The following MDM1 variants were observed in gnomAD, a reference collection of about 807,000 sequenced individuals.
MDM1 encodes the protein stabilizer of axonemal microtubules 6.
In MDM1, 61 loss-of-function variants were observed where a neutral mutation model predicts 89.1. The observed-to-expected ratio is 0.68, with a 90% CI of 0.56 to 0.85. The LOEUF (loss-of-function observed/expected upper bound fraction) is 0.85, where lower values mean the gene tolerates loss of function less well. Among genes scored for constraint, MDM1 ranks in the 40% least tolerant of loss-of-function variants. The pLI is 0.00. For missense variants in MDM1, 820 were observed against 846.5 expected (o/e 0.97, Z 0.39); for synonymous variants, 290 against 294.1 (o/e 0.99, Z 0.14).
At chr12:68,299,799 A>G (rs1039039720) in intron 13 of MDM1, among the ~76,000 whole-genome samples, 5 of 152,236 alleles carry the variant, frequency 3.3e-5, no homozygotes, top group African/African-American at 2.4e-5. Context: ...TGGCCTTGCT[A>G]GAGATTTAAA....
rs1168458389 is a variant in MDM1 at position 68,325,563 on chromosome 12, G to A, written c.511C>T (p.Leu171=). 5 of 1,569,602 alleles carry A rather than the reference G, an allele frequency of 3.2e-6. No individual in the cohort carries two copies. In the Admixed American group the frequency reaches 9.3e-5, roughly 29 times the overall value. ...ENVDNGLDRL[L]RKKAGLTVVP... ...ACAGTCAATCCAGCTTTCTTACGCAGAAGTCTATCCAACTGTTCAAAAAAC... is the reference window on the plus strand; with the variant it reads ...ACAGTCAATCCAGCTTTCTTACGCAAAAGTCTATCCAACTGTTCAAAAAAC... The change falls in exon 4 of 15, where the codon CTG becomes TTG. Residue 171 remains leucine, a synonymous_variant. Coordinates refer to ENST00000682720, the MANE Select transcript of MDM1 (RefSeq NM_001354969.2).
At position 68,294,751 on chromosome 12, in the gene MDM1, T is replaced by C. The variant is rs1229226656; in HGVS notation, c.*503A>G. The stretch of plus-strand genomic sequence containing the variant: ...TTGTTACATAAATAAGAAAAATATA[T>C]ACAGCTGGTGTTTTCAAAGTACAAT... On this transcript the variant is annotated 3_prime_UTR_variant, in exon 15 of 15. Transcript: ENST00000682720. 1 of 152,174 alleles carries C rather than the reference T, an allele frequency of 6.6e-6. No individual in the cohort carries two copies. Among genetic ancestry groups the C allele is most frequent in the African/African-American group, 2.4e-5 (1 of 41,442 alleles). The allele number at this position is 152,174 out of a possible 1,614,324, so 9.4% of individuals were successfully genotyped here. A position where few individuals can be genotyped will look rare whatever the true frequency, so the allele number is the denominator to read the frequency against.
chr12:68,307,269 T>C (rs1021028669), intron 12 of MDM1, among the ~76,000 whole-genome samples: 3 of 152,254 alleles, frequency 2.0e-5, no homozygotes, highest in South Asian at 2.1e-4. Flanking sequence ...ATGGGTTCAA[T>C]AGAAGCCCAA....
At chr12:68,328,742 C>T (rs1284994625) in intron 2 of MDM1, among the ~76,000 whole-genome samples, 2 of 152,070 alleles carry the variant, frequency 1.3e-5, no homozygotes, top group Admixed American at 6.6e-5. Flanking sequence ...AGTGGTCTGC[C>T]GCTGTCTCCC....
At chr12:68,307,597 C>A (rs1184977833) in intron 12 of MDM1, among the ~76,000 whole-genome samples, 1 of 152,174 alleles carries the variant, frequency 6.6e-6, no homozygotes, top group African/African-American at 2.4e-5. Flanking sequence ...GCCGTGATTG[C>A]ACCAATGCAC....
intron 12 of MDM1, among the ~76,000 whole-genome samples, chr12:68,303,496 T>C (rs1414699552): frequency 6.6e-6 from 1 of 152,102 alleles, no homozygotes; most frequent in African/African-American, 2.4e-5. Flanking sequence ...ACAATAATAC[T>C]TGGGGAGTAC....
intron 1 of MDM1, among the ~76,000 whole-genome samples, chr12:68,331,460 CAG>C (rs1425825355): frequency 6.6e-6 from 1 of 152,208 alleles, no homozygotes; most frequent in Admixed American, 6.5e-5. Context: ...ATTCCAGGCT[CAG>C]AGGTTACCCT....
At chr12:68,299,492 C>T (rs1420821529) in intron 13 of MDM1, among the ~76,000 whole-genome samples, 2 of 151,898 alleles carry the variant, frequency 1.3e-5, no homozygotes, top group African/African-American at 2.4e-5. Flanking sequence ...TAGAGAAATA[C>T]AAAACGTAGT....
rs372002035 is a variant in MDM1 at position 68,315,034 on chromosome 12, G to T, written c.1443C>A (p.Asp481Glu). ...EEEDDNEEEG[D>E]RKTGKQAFMG... ...TAAAAGCCTGCTTGCCCGTTTTCCT[G>T]TCCCCTTCCTCTTCATTGTCGTCCT... Residue 481 changes from aspartate to glutamate, a missense_variant, in exon 10 of 15, where the codon GAC becomes GAA. Asp to Glu is a conservative substitution (Grantham distance 45). Coordinates refer to ENST00000682720, the MANE Select transcript of MDM1 (RefSeq NM_001354969.2). 8 of 1,613,864 alleles carry T rather than the reference G, an allele frequency of 5.0e-6. No individual in the cohort carries two copies. In the Admixed American group the frequency reaches 5.0e-5, roughly 10 times the overall value.
chr12:68,311,244 C>A (rs1873641555), intron 12 of MDM1, among the ~76,000 whole-genome samples: 1 of 152,152 alleles, frequency 6.6e-6, no homozygotes, highest in Non-Finnish European at 1.5e-5. Context: ...GGGCACACAA[C>A]CCTTCCTGAC....
At chr12:68,298,250 A>G (rs1871673800) in intron 13 of MDM1, among the ~76,000 whole-genome samples, 2 of 152,204 alleles carry the variant, frequency 1.3e-5, no homozygotes, top group African/African-American at 4.8e-5. Context: ...GAATCTGTCT[A>G]CGTGACAAGT....
chr12:68,331,631 A>T (rs371959489), intron 1 of MDM1, among the ~76,000 whole-genome samples: 28 of 152,216 alleles, frequency 1.8e-4, no homozygotes, highest in African/African-American at 6.8e-4. Flanking sequence ...AACAAAAGGC[A>T]AACTCCCCTT....
chr12:68,327,060 C>A, intron 2 of MDM1, 39 bp from the exon 3 acceptor site: 1 of 1,523,974 alleles, frequency 6.6e-7, no homozygotes, highest in Admixed American at 2.2e-5. Flanking sequence ...GCTACTAAAG[C>A]AAAAAGTTAC....
At chr12:68,327,850 T>C (rs1317232617) in intron 2 of MDM1, among the ~76,000 whole-genome samples, 1 of 152,210 alleles carries the variant, frequency 6.6e-6, no homozygotes, top group African/African-American at 2.4e-5. Context: ...ACAGGTCTTC[T>C]CACTGGGTGG....
chr12:68,332,333 A>T lies in MDM1; in HGVS notation c.-88T>A, dbSNP rs989504552. 1 of 1,441,522 alleles carries T rather than the reference A, an allele frequency of 6.9e-7. No individual in the cohort carries two copies. Among genetic ancestry groups the T allele is most frequent in the Non-Finnish European group, 9.2e-7 (1 of 1,081,248 alleles). 89.3% of individuals were successfully genotyped at this position (1,441,522 alleles called of 1,614,324 possible). A position where few individuals can be genotyped will look rare whatever the true frequency, so the allele number is the denominator to read the frequency against. On this transcript the variant is annotated 5_prime_UTR_variant, in exon 1 of 15. Coordinates refer to ENST00000682720, the MANE Select transcript of MDM1 (RefSeq NM_001354969.2). The stretch of plus-strand genomic sequence containing the variant: ...CGGGGCGATAACAGTGTTCCCTAGC[A>T]AAGCCTCGGCCCGGCGTCCCCGACT...
At chr12:68,326,596 T>C in intron 3 of MDM1, 61 bp downstream of exon 3, 11 of 1,613,902 alleles carry the variant, frequency 6.8e-6, no homozygotes, top group Non-Finnish European at 9.3e-6. Context: ...ATTACAGAAA[T>C]GACAATGAAA....
In MDM1 at chr12:68,321,344, C is replaced by CA; in HGVS notation, c.1005+2dup. On this transcript the variant is annotated splice_region_variant and intron_variant, in intron 7 of 14. Coordinates refer to ENST00000682720, the MANE Select transcript of MDM1 (RefSeq NM_001354969.2). ...TAGGCTTATTGAGGTCATGTACACT[C>CA]ACCTGATTTGGCATGTTTCCCTTTA... is the stretch of plus-strand genomic sequence containing the variant. The CA allele has an allele frequency of 6.2e-7, 1 of 1,610,988 alleles. No individual in the cohort carries two copies. The highest frequency in any genetic ancestry group is 8.5e-7 in the Non-Finnish European group (1 of 1,177,908).
At position 68,325,578 on chromosome 12, in the gene MDM1, G is replaced by T; in HGVS notation, c.499-3C>A. 6.6e-7 allele frequency: 1 copy of T among 1,507,470 alleles called. No homozygotes were observed. The highest frequency in any genetic ancestry group is 8.8e-7 in the Non-Finnish European group (1 of 1,130,236). 93.4% of individuals were successfully genotyped at this position (1,507,470 alleles called of 1,614,324 possible). ...TTCTTACGCAGAAGTCTATCCAACT[G>T]TTCAAAAAACAAAATCCACTCAAAG... On this transcript the variant is annotated splice_region_variant and splice_polypyrimidine_tract_variant and intron_variant, in intron 3 of 14. Transcript: ENST00000682720.
chr12:68,332,021 T>C (rs1311628166), intron 1 of MDM1: 2 of 722,428 alleles, frequency 2.8e-6, no homozygotes, highest in Admixed American at 4.0e-5. Flanking sequence ...TTCGACACAC[T>C]GCAGCTTGCA....
Sources: allele counts gnomAD v4.1 joint callset (sites outside exome capture counted in the v4.1 genomes callset), GRCh38; gene constraint gnomAD v4.1.1; transcripts MANE v1.5; gene names NCBI Gene and HGNC (gene_info 2026-07-23, HGNC 2026-07-21).